Variants in APBA2 observed in about 807,000 individuals in gnomAD.
The protein encoded by APBA2 is amyloid beta precursor protein binding family A member 2.
A neutral mutation model predicts 75.0 loss-of-function variants in APBA2; 30 were observed. The ratio of observed to expected loss-of-function variants is 0.40; its 90% CI spans 0.30 to 0.54. APBA2 has a LOEUF of 0.54. Among genes scored for constraint, APBA2 ranks in the 20% least tolerant of loss-of-function variants. The pLI, the probability that APBA2 is intolerant of heterozygous loss-of-function variation, is 0.49. For missense variants in APBA2, 801 were observed against 1,016.1 expected, an observed-to-expected ratio of 0.79 and a Z score of 2.88; for synonymous variants, 444 against 409.6, an observed-to-expected ratio of 1.08 and a Z score of -1.01.
intron 8 of APBA2, among the ~76,000 whole-genome samples, chr15:29,095,154 G>T (rs1450626638): frequency 6.6e-6 from 1 of 152,192 alleles, no homozygotes; most frequent in African/African-American, 2.4e-5. Flanking sequence ...GAGGCCGGGC[G>T]CCGTGGCTCA....
chr15:29,098,306 G>T (rs1201489475), intron 8 of APBA2, among the ~76,000 whole-genome samples, 184 bp from the exon 9 acceptor site: 1 of 152,164 alleles, frequency 6.6e-6, no homozygotes, highest in East Asian at 1.9e-4. Flanking sequence ...CCACGCCAGT[G>T]CTTCTTATCT....
intron 4 of APBA2, among the ~76,000 whole-genome samples, chr15:29,062,094 G>A (rs79870849): frequency 0.015 from 2,304 of 152,180 alleles, 70 homozygotes; most frequent in African/African-American, 0.053. Context: ...GGGGGTTATG[G>A]GGGGCATTGG....
At chr15:28,902,031 T>G (rs937037350) in intron 1 of APBA2, among the ~76,000 whole-genome samples, 2 of 149,242 alleles carry the variant, frequency 1.3e-5, no homozygotes, top group Admixed American at 6.7e-5. Context: ...GATTCAGGCC[T>G]GAGTGAAGCA....
intron 1 of APBA2, 115 bp downstream of exon 1, chr15:28,886,393 C>T (rs1431881672): frequency 1.3e-5 from 2 of 151,480 alleles, no homozygotes; most frequent in Admixed American, 6.6e-5. Flanking sequence ...GGCCCGAGCG[C>T]TCCAGAGCGC....
At chr15:28,945,887 T>C (rs2035521205) in intron 2 of APBA2, among the ~76,000 whole-genome samples, 2 of 152,186 alleles carry the variant, frequency 1.3e-5, no homozygotes, top group African/African-American at 4.8e-5. Context: ...TACAGCCGTC[T>C]TAGATAGAGT....
At chr15:28,895,718 T>A (rs996099590) in intron 1 of APBA2, 2 of 152,328 alleles carry the variant, frequency 1.3e-5, no homozygotes, top group African/African-American at 4.8e-5. Flanking sequence ...CACCTCATTA[T>A]CTCTGTCTGC....
At chr15:28,987,707 T>G (rs2152777577) in intron 2 of APBA2, among the ~76,000 whole-genome samples, 2 of 143,454 alleles carry the variant, frequency 1.4e-5, no homozygotes, top group East Asian at 2.1e-4. Context: ...TTGAAGGGAG[T>G]GTCAAAGAAT....
In APBA2 at chr15:28,975,997, A is replaced by G. The variant is rs118147657; in HGVS notation, c.-94-19756A>G. On this transcript the variant is annotated intron_variant, in intron 2 of 14. Transcript: ENST00000683413. ...CCTTCCTGAATTTACCTGGAAGACAATACTCCAAATCCAAACATGCTCATG... is the reference window on the plus strand; with the variant it reads ...CCTTCCTGAATTTACCTGGAAGACAGTACTCCAAATCCAAACATGCTCATG... Among the ~76,000 whole-genome samples, 1,153 of 152,328 alleles carry G rather than the reference A, an allele frequency of 7.6e-3. 15 individuals carry two copies. The highest frequency in any genetic ancestry group is 0.05 in the South Asian group (239 of 4,828).
chr15:28,996,209 A>G (rs1309948817), intron 3 of APBA2, among the ~76,000 whole-genome samples: 4 of 152,210 alleles, frequency 2.6e-5, no homozygotes, highest in Admixed American at 6.5e-5. Context: ...ACACATGTAT[A>G]TCGGCAATAA....
intron 3 of APBA2, among the ~76,000 whole-genome samples, chr15:29,029,630 G>A (rs2040388968): frequency 6.6e-6 from 1 of 152,070 alleles, no homozygotes; most frequent in Non-Finnish European, 1.5e-5. Context: ...GAGAGTAGCT[G>A]TTAAGAGGTG....
intron 1 of APBA2, among the ~76,000 whole-genome samples, chr15:28,897,541 C>A (rs1331533619): frequency 7.1e-6 from 1 of 139,876 alleles, no homozygotes; most frequent in African/African-American, 2.7e-5. Context: ...TCACCTGAAC[C>A]CGGGAGGTGG....
chr15:28,913,027 C>T (rs2033503439), intron 1 of APBA2, among the ~76,000 whole-genome samples: 2 of 152,232 alleles, frequency 1.3e-5, no homozygotes, highest in South Asian at 4.1e-4. Context: ...TATTTTCACG[C>T]ATCTGCACTA....
intron 2 of APBA2, among the ~76,000 whole-genome samples, chr15:28,931,915 G>A (rs911662104): frequency 6.6e-6 from 1 of 152,198 alleles, no homozygotes; most frequent in Non-Finnish European, 1.5e-5. Context: ...GTGGAGAAAG[G>A]TCCCTGCGTG....
chr15:28,900,843 T>C (rs1159211065), intron 1 of APBA2, among the ~76,000 whole-genome samples: 1 of 152,184 alleles, frequency 6.6e-6, no homozygotes, highest in Non-Finnish European at 1.5e-5. Flanking sequence ...GCTCACCCCT[T>C]CACCCAGGTC....
chr15:29,028,454 CT>C (rs1421862825), intron 3 of APBA2, among the ~76,000 whole-genome samples: 1 of 152,144 alleles, frequency 6.6e-6, no homozygotes, highest in Non-Finnish European at 1.5e-5. Flanking sequence ...GTGAATAGTG[CT>C]GCAGTGAACA....
At chr15:28,922,964 G>A (rs1015552688) in intron 2 of APBA2, among the ~76,000 whole-genome samples, 1 of 152,154 alleles carries the variant, frequency 6.6e-6, no homozygotes, top group African/African-American at 2.4e-5. Context: ...GGAATTCAGG[G>A]CCTCAGCCAC....
chr15:28,907,130 C>T (rs2033171288), intron 1 of APBA2, among the ~76,000 whole-genome samples: 2 of 152,280 alleles, frequency 1.3e-5, no homozygotes, highest in East Asian at 1.9e-4. Flanking sequence ...GATTTTTCTA[C>T]ATTTACATCT....
rs569118240 is a variant in APBA2 at position 28,989,604 on chromosome 15, C to T, written c.-94-6149C>T. Among the ~76,000 whole-genome samples, 17 of 152,312 alleles carry T rather than the reference C, an allele frequency of 1.1e-4. No individual in the cohort carries two copies. The East Asian group carries it at 1.2e-3, about 10-fold the overall frequency. ...TGCTTCCATCCCTGAGCTGCCTGAA[C>T]GGAAAACGAAATCCCATCCCCGCTC... On this transcript the variant is annotated intron_variant, in intron 2 of 14. Coordinates refer to ENST00000683413, the MANE Select transcript of APBA2 (RefSeq NM_001353788.2).
chr15:28,990,155 C>T (rs569983440), intron 2 of APBA2, among the ~76,000 whole-genome samples: 20 of 152,236 alleles, frequency 1.3e-4, no homozygotes, highest in African/African-American at 3.9e-4. Flanking sequence ...CCGCTGGGCG[C>T]GGTGGGCACT....
Sources: allele counts gnomAD v4.1 joint callset (sites outside exome capture counted in the v4.1 genomes callset), GRCh38; gene constraint gnomAD v4.1.1; transcripts MANE v1.5; gene names NCBI Gene and HGNC (gene_info 2026-07-23, HGNC 2026-07-21).